Variants in DPP10 observed in about 807,000 individuals in gnomAD.
DPP10 encodes dipeptidyl peptidase like 10, also known as inactive dipeptidyl peptidase 10.
DPP10 carries 33 observed loss-of-function variants against 120.9 expected under a neutral mutation model. The ratio of observed to expected loss-of-function variants is 0.27; its 90% confidence interval spans 0.21 to 0.37. The LOEUF (loss-of-function observed/expected upper bound fraction) is 0.37, where lower values mean the gene tolerates loss of function less well. DPP10 is among the 10% of genes least tolerant of loss of function. DPP10 has a pLI of 1.00. For missense variants in DPP10, 816 were observed against 942.8 expected, an observed-to-expected ratio of 0.87 and a Z score of 1.76; for synonymous variants, 337 against 326.1, an observed-to-expected ratio of 1.03 and a Z score of -0.36.
intron 3 of DPP10, among the ~76,000 whole-genome samples, chr2:115,417,729 C>T (rs112689788): frequency 2.0e-5 from 3 of 152,244 alleles, no homozygotes; most frequent in African/African-American, 7.2e-5. Flanking sequence ...CTGTATGCTG[C>T]CTATGAATTT....
At chr2:114,907,624 G>C (rs1054565258) in intron 1 of DPP10, among the ~76,000 whole-genome samples, 6 of 151,818 alleles carry the variant, frequency 4.0e-5, no homozygotes, top group Admixed American at 1.3e-4. Flanking sequence ...CCTTCTTATT[G>C]ATTTCCAATT....
chr2:115,319,898 A>T (rs556080553), intron 2 of DPP10, among the ~76,000 whole-genome samples: 1 of 152,280 alleles, frequency 6.6e-6, no homozygotes, highest in Admixed American at 6.5e-5. Flanking sequence ...CTTCCCTTCA[A>T]TCCTAAGCTC....
chr2:114,796,968 G>A (rs904617459), intron 1 of DPP10, among the ~76,000 whole-genome samples: 1 of 152,058 alleles, frequency 6.6e-6, no homozygotes, highest in African/African-American at 2.4e-5. Flanking sequence ...AGGCTTAGGT[G>A]GTTTGATCAT....
chr2:115,683,839 G>T (rs1694361528), intron 5 of DPP10, among the ~76,000 whole-genome samples: 1 of 151,774 alleles, frequency 6.6e-6, no homozygotes, highest in Non-Finnish European at 1.5e-5. Context: ...AGTCATGCTT[G>T]CATTTTTTTC....
chr2:114,617,573 C>G (rs925252561), intron 1 of DPP10, among the ~76,000 whole-genome samples: 1 of 152,042 alleles, frequency 6.6e-6, no homozygotes, highest in Non-Finnish European at 1.5e-5. Context: ...TGAGATGTCA[C>G]TCTGTGTGCA....
intron 1 of DPP10, among the ~76,000 whole-genome samples, chr2:114,445,349 C>T (rs1441061539): frequency 2.0e-5 from 3 of 152,146 alleles, no homozygotes; most frequent in African/African-American, 4.8e-5. Flanking sequence ...AGAGACTTTT[C>T]TCCCAAAGCT....
chr2:115,293,570 G>A (rs180676978), intron 1 of DPP10, among the ~76,000 whole-genome samples: 1 of 152,082 alleles, frequency 6.6e-6, no homozygotes, highest in African/African-American at 2.4e-5. Flanking sequence ...ACCATCATGT[G>A]GTGTAGGTGA....
At chr2:115,764,641 T>G (rs1680506628) in intron 12 of DPP10, among the ~76,000 whole-genome samples, 3 of 152,012 alleles carry the variant, frequency 2.0e-5, no homozygotes. Context: ...GATTATGCTA[T>G]CTAATTTTTA....
chr2:115,412,453 A>G (rs1040855286), intron 3 of DPP10, among the ~76,000 whole-genome samples: 1 of 152,248 alleles, frequency 6.6e-6, no homozygotes, highest in South Asian at 2.1e-4. Flanking sequence ...AAGAACAAAA[A>G]GAAACACTCT....
At chr2:115,519,230 T>G (rs552803831) in intron 4 of DPP10, among the ~76,000 whole-genome samples, 3 of 152,290 alleles carry the variant, frequency 2.0e-5, no homozygotes, top group African/African-American at 7.2e-5. Context: ...TGGCCTATGA[T>G]GTAAATGAAT....
At chr2:115,229,517 G>T (rs1460513544) in intron 1 of DPP10, among the ~76,000 whole-genome samples, 1 of 151,994 alleles carries the variant, frequency 6.6e-6, no homozygotes, top group Non-Finnish European at 1.5e-5. Flanking sequence ...CATAGTTTGA[G>T]GTCTTAGATT....
intron 1 of DPP10, among the ~76,000 whole-genome samples, chr2:114,497,095 A>ACG (rs916617148): frequency 2.0e-5 from 3 of 149,058 alleles, no homozygotes; most frequent in African/African-American, 4.9e-5. Context: ...GTACATGTAC[A>ACG]TGTGTACATG....
intron 3 of DPP10, among the ~76,000 whole-genome samples, chr2:115,365,445 C>A (rs1049599270): frequency 1.3e-5 from 2 of 151,814 alleles, no homozygotes; most frequent in African/African-American, 4.8e-5. Context: ...CAGAGATGGT[C>A]CAAGTTGTCA....
At chr2:115,577,525 A>G (rs1353101874) in intron 5 of DPP10, among the ~76,000 whole-genome samples, 1 of 152,220 alleles carries the variant, frequency 6.6e-6, no homozygotes, top group Non-Finnish European at 1.5e-5. Flanking sequence ...GTATTATAAA[A>G]TGTTAGTATT....
chr2:115,619,743 C>T (rs2084806194), intron 5 of DPP10, among the ~76,000 whole-genome samples: 1 of 152,176 alleles, frequency 6.6e-6, no homozygotes, highest in Non-Finnish European at 1.5e-5. Context: ...TATCACAACA[C>T]CTATTATCAT....
chr2:114,799,367 A>T (rs1219864283), intron 1 of DPP10, among the ~76,000 whole-genome samples: 5 of 152,306 alleles, frequency 3.3e-5, no homozygotes, highest in African/African-American at 1.2e-4. Flanking sequence ...CTGCCTTCTC[A>T]TTCACAGGAT....
chr2:114,552,792 C>T (rs1687992731), intron 1 of DPP10, among the ~76,000 whole-genome samples: 1 of 152,136 alleles, frequency 6.6e-6, no homozygotes, highest in Non-Finnish European at 1.5e-5. Context: ...GTGATCCACC[C>T]ACCTTCGCCT....
At chr2:115,240,906 C>G (rs1464931685) in intron 1 of DPP10, among the ~76,000 whole-genome samples, 1 of 152,200 alleles carries the variant, frequency 6.6e-6, no homozygotes, top group Non-Finnish European at 1.5e-5. Context: ...CCAAGGCTGC[C>G]TTTTCCTCTA....
chr2:114,579,544 C>G (rs577383151), intron 1 of DPP10, among the ~76,000 whole-genome samples: 33 of 152,260 alleles, frequency 2.2e-4, no homozygotes. Context: ...CCTTTTACCC[C>G]CTAAACTTTC....
Sources: gnomAD v4.1 joint callset for allele counts (sites outside exome capture counted in the v4.1 genomes callset) on GRCh38, gnomAD v4.1.1 for gene constraint, MANE v1.5 for transcripts, NCBI Gene and HGNC (gene_info 2026-07-23, HGNC 2026-07-21) for gene names.